The following RBFOX1 variants were observed in gnomAD, a reference collection of about 807,000 sequenced individuals.
RBFOX1 encodes RNA binding fox-1 homolog 1.
Under a neutral mutation model 57.7 loss-of-function variants are expected in RBFOX1, and 8 were observed. That is an observed-to-expected ratio of 0.14 (90% confidence interval 0.08 to 0.25). The LOEUF (loss-of-function observed/expected upper bound fraction) is 0.25. RBFOX1 is among the 10% of genes least tolerant of loss of function. The pLI is 1.00. For missense variants in RBFOX1, 611 were observed against 548.5 expected (o/e 1.11, Z -1.14); for synonymous variants, 326 against 222.4 (o/e 1.47, Z -4.15).
intron 1 of RBFOX1, among the ~76,000 whole-genome samples, chr16:5,282,851 C>T (rs1407850683): frequency 2.6e-5 from 4 of 152,288 alleles, no homozygotes; most frequent in African/African-American, 7.2e-5. Flanking sequence ...GATCTGGCTG[C>T]AGAAATTTGT....
Position 5,976,203 on chromosome 16 carries a change from G to T in RBFOX1, c.351+108868G>T, listed in dbSNP as rs778554389. On this transcript the variant is annotated intron_variant, in intron 4 of 19. Transcript: ENST00000641259. Reference sequence around the variant, plus strand: ...TAAAATAATTAGTATTTTCTAGCCCGCCACTTACCCAGTTCGGTATCCCAG... The same window carrying T: ...TAAAATAATTAGTATTTTCTAGCCCTCCACTTACCCAGTTCGGTATCCCAG... 2.6e-5 allele frequency among the ~76,000 whole-genome samples: 4 copies of T among 151,938 alleles called. No individual in the cohort carries two copies. The South Asian group carries it at 6.2e-4, about 24-fold the overall frequency.
intron 4 of RBFOX1, among the ~76,000 whole-genome samples, chr16:7,470,273 C>G (rs190368486): frequency 2.0e-4 from 30 of 152,316 alleles, no homozygotes; most frequent in Admixed American, 1.8e-3. Context: ...CTTCCACATC[C>G]TTAGTGCAGG....
At chr16:6,333,799 G>C (rs551782687) in intron 2 of RBFOX1, among the ~76,000 whole-genome samples, 1 of 152,098 alleles carries the variant, frequency 6.6e-6, no homozygotes, top group Non-Finnish European at 1.5e-5. Context: ...AAAGATACTT[G>C]TCATCTGTCA....
chr16:5,369,419 C>G (rs903076109), intron 1 of RBFOX1, among the ~76,000 whole-genome samples: 12 of 152,236 alleles, frequency 7.9e-5, no homozygotes, highest in African/African-American at 2.4e-4. Flanking sequence ...CAGACATAGT[C>G]GTCTCCCAGT....
At chr16:6,211,894 G>C (rs2097300932) in intron 1 of RBFOX1, among the ~76,000 whole-genome samples, 1 of 151,558 alleles carries the variant, frequency 6.6e-6, no homozygotes, top group African/African-American at 2.4e-5. Context: ...CTGTCACTCA[G>C]GCTGGAGTGA....
At chr16:6,111,376 G>A (rs904526580) in intron 1 of RBFOX1, among the ~76,000 whole-genome samples, 1 of 152,152 alleles carries the variant, frequency 6.6e-6, no homozygotes, top group Non-Finnish European at 1.5e-5. Flanking sequence ...TTTTCTTGAA[G>A]CCCTTCAATA....
At chr16:6,009,802 A>ATGTTTGTGTGTGTCTGTG (rs2094949625) in intron 4 of RBFOX1, among the ~76,000 whole-genome samples, 1 of 58,562 alleles carries the variant, frequency 1.7e-5, no homozygotes, top group South Asian at 6.7e-4. Context: ...CAGTGTGTGT[A>ATGTTTGTGTGTGTCTGTG]TGTGTGTGTG....
chr16:5,780,389 T>G (rs1266240285), intron 3 of RBFOX1, among the ~76,000 whole-genome samples: 3 of 152,246 alleles, frequency 2.0e-5, no homozygotes, highest in Non-Finnish European at 4.4e-5. Flanking sequence ...GAGATAAATT[T>G]TATTCATTGG....
intron 3 of RBFOX1, among the ~76,000 whole-genome samples, chr16:6,924,195 G>A (rs936732066): frequency 3.0e-3 from 351 of 116,496 alleles, no homozygotes; most frequent in African/African-American, 0.01. Context: ...AATAATAATA[G>A]CAATAATGCC....
chr16:7,704,234 A>C (rs577302599), intron 14 of RBFOX1, among the ~76,000 whole-genome samples: 3 of 152,346 alleles, frequency 2.0e-5, no homozygotes, highest in African/African-American at 4.8e-5. Flanking sequence ...GCTAAAGGTC[A>C]AAAAGATGAG....
chr16:6,755,346 A>G (rs961671931), intron 3 of RBFOX1, among the ~76,000 whole-genome samples: 1 of 152,142 alleles, frequency 6.6e-6, no homozygotes, highest in African/African-American at 2.4e-5. Flanking sequence ...CTATTTCTCC[A>G]CATCCTCTCC....
intron 5 of RBFOX1, among the ~76,000 whole-genome samples, chr16:7,558,673 C>G (rs2089484321): frequency 6.6e-6 from 1 of 151,306 alleles, no homozygotes; most frequent in African/African-American, 2.5e-5. Context: ...TCAGTATCAA[C>G]AAACTTCAAC....
At chr16:7,323,003 A>C (rs1479712141) in intron 4 of RBFOX1, among the ~76,000 whole-genome samples, 1 of 152,092 alleles carries the variant, frequency 6.6e-6, no homozygotes, top group Non-Finnish European at 1.5e-5. Flanking sequence ...CAGCCATCAA[A>C]GTCTTCTCCT....
intron 1 of RBFOX1, among the ~76,000 whole-genome samples, chr16:6,173,594 T>G (rs1006184681): frequency 6.3e-5 from 9 of 142,520 alleles, no homozygotes; most frequent in African/African-American, 1.8e-4. Flanking sequence ...GAGTGGACAC[T>G]GACCACTCCC....
intron 4 of RBFOX1, among the ~76,000 whole-genome samples, chr16:7,178,198 C>G (rs1365007652): frequency 6.6e-6 from 1 of 152,240 alleles, no homozygotes; most frequent in Non-Finnish European, 1.5e-5. Context: ...ATGGGCATCT[C>G]TAGGGAAACT....
chr16:6,716,547 C>A (rs1384645556), intron 3 of RBFOX1, among the ~76,000 whole-genome samples: 1 of 152,246 alleles, frequency 6.6e-6, no homozygotes, highest in African/African-American at 2.4e-5. Flanking sequence ...ATAGAACTTA[C>A]TCTTCCATCT....
chr16:6,236,371 C>T (rs2097505110), intron 1 of RBFOX1, among the ~76,000 whole-genome samples: 1 of 152,070 alleles, frequency 6.6e-6, no homozygotes, highest in Non-Finnish European at 1.5e-5. Context: ...TGATGAGCTC[C>T]AAGAGCTTAG....
chr16:5,602,163 A>G (rs953271984), downstream of RBFOX1, among the ~76,000 whole-genome samples: 5 of 152,228 alleles, frequency 3.3e-5, no homozygotes, highest in Non-Finnish European at 4.4e-5. Flanking sequence ...TGTCATGGGT[A>G]GAAGCAGTCA....
chr16:6,189,019 T>C (rs1013416008), intron 1 of RBFOX1, among the ~76,000 whole-genome samples: 1 of 152,230 alleles, frequency 6.6e-6, no homozygotes, highest in Admixed American at 6.5e-5. Flanking sequence ...TTTATTTATC[T>C]AACCCTCTAT....
Sources: gnomAD v4.1 joint callset for allele counts (sites outside exome capture counted in the v4.1 genomes callset) on GRCh38, gnomAD v4.1.1 for gene constraint, MANE v1.5 for transcripts, NCBI Gene and HGNC (gene_info 2026-07-23, HGNC 2026-07-21) for gene names.